Variants in CEMIP observed in about 807,000 individuals in gnomAD.
CEMIP encodes cell migration-inducing and hyaluronan-binding protein.
CEMIP carries 105 observed loss-of-function variants against 156.9 expected under a neutral mutation model. The observed-to-expected ratio is 0.67, with a 90% CI of 0.57 to 0.79. The LOEUF is 0.79. Ranked by LOEUF, CEMIP falls within the 30% of genes least tolerant of loss-of-function variation. The pLI, the probability that CEMIP is intolerant of heterozygous loss-of-function variation, is 0.00. For missense variants in CEMIP, 1,457 were observed against 1,769.4 expected, an observed-to-expected ratio of 0.82 and a Z score of 3.17; for synonymous variants, 676 against 668.4, an observed-to-expected ratio of 1.01 and a Z score of -0.17.
chr15:80,827,886 G>T (rs554634456), intron 1 of CEMIP, among the ~76,000 whole-genome samples: 3 of 152,112 alleles, frequency 2.0e-5, no homozygotes, highest in Non-Finnish European at 2.9e-5. Flanking sequence ...CATTCCTGTA[G>T]CAAATCTAAA....
intron 1 of CEMIP, among the ~76,000 whole-genome samples, chr15:80,871,412 A>T (rs1489073549): frequency 6.6e-6 from 1 of 152,206 alleles, no homozygotes; most frequent in Admixed American, 6.5e-5. Context: ...TTTATCCAGA[A>T]AGTGACTCTT....
intron 1 of CEMIP, among the ~76,000 whole-genome samples, chr15:80,850,715 G>A (rs1897697483): frequency 6.6e-6 from 1 of 152,144 alleles, no homozygotes; most frequent in Non-Finnish European, 1.5e-5. Context: ...TGATCCCCAT[G>A]GACTCAGCTA....
At position 80,922,098 on chromosome 15, in the gene CEMIP, G is replaced by A; in HGVS notation, c.2163G>A (p.Leu721=). ...CAGGTTATTCAGAGCACATTCCACT[G>A]GGAAAATTCTATAACAACCGAGCAC... ...YSPGYSEHIP[L]GKFYNNRAHS... The change falls in exon 17 of 30, where the codon CTG becomes CTA. Residue 721 remains leucine, a synonymous_variant. Coordinates refer to ENST00000394685, the MANE Select transcript of CEMIP (RefSeq NM_001293298.2). 3.7e-6 allele frequency: 6 copies of A among 1,614,232 alleles called. No homozygotes were observed. The highest frequency in any genetic ancestry group is 5.1e-6 in the Non-Finnish European group (6 of 1,180,016).
chr15:80,884,491 T>C, intron 7 of CEMIP, 137 bp downstream of exon 7: 1 of 883,870 alleles, frequency 1.1e-6, no homozygotes, highest in Non-Finnish European at 1.9e-6. Flanking sequence ...GGCATTTGCA[T>C]TTGACATCTG....
intron 13 of CEMIP, among the ~76,000 whole-genome samples, chr15:80,908,341 AG>A (rs1899893010): frequency 6.6e-6 from 1 of 152,152 alleles, no homozygotes; most frequent in Admixed American, 6.5e-5. Flanking sequence ...CTACTACTGG[AG>A]TTGACACTCC....
chr15:80,815,382 A>G (rs1281382644), intron 1 of CEMIP, among the ~76,000 whole-genome samples: 1 of 152,218 alleles, frequency 6.6e-6, no homozygotes, highest in Non-Finnish European at 1.5e-5. Flanking sequence ...TAATTACTAT[A>G]CCTTGAATTC....
intron 14 of CEMIP, among the ~76,000 whole-genome samples, chr15:80,917,674 T>G (rs897704870): frequency 2.6e-5 from 4 of 152,224 alleles, no homozygotes; most frequent in Non-Finnish European, 5.9e-5. Flanking sequence ...ACAGAGAGCT[T>G]GCCTGGAACA....
rs867138699 is a variant in CEMIP, at chr15:80,889,493, C to T, written c.987C>T (p.Phe329=). 9 of 1,613,890 alleles carry T rather than the reference C, an allele frequency of 5.6e-6. No individual in the cohort carries two copies. The highest frequency in any genetic ancestry group is 4.5e-5 in the East Asian group (2 of 44,884). ...WVQDVEWTEW[F]DHDKVSQTKG... is the part of the protein sequence containing the mutation. ...TAGACGTGGAGTGGACGGAGTGGTTCGATCATGATAAAGTATCTCAGACTA... is the reference window on the plus strand; with the variant it reads ...TAGACGTGGAGTGGACGGAGTGGTTTGATCATGATAAAGTATCTCAGACTA... Residue 329 remains phenylalanine (F), a synonymous_variant, in exon 10 of 30, where the codon TTC becomes TTT. Transcript: ENST00000394685.
At chr15:80,837,293 C>T (rs998035752) in intron 1 of CEMIP, among the ~76,000 whole-genome samples, 1 of 152,014 alleles carries the variant, frequency 6.6e-6, no homozygotes, top group Non-Finnish European at 1.5e-5. Context: ...GATGGATATG[C>T]AAATGGAATG....
intron 13 of CEMIP, among the ~76,000 whole-genome samples, chr15:80,908,339 GGA>G (rs1899892762): frequency 6.6e-6 from 1 of 152,094 alleles, no homozygotes; most frequent in Non-Finnish European, 1.5e-5. Context: ...CGCTACTACT[GGA>G]GTTGACACTC....
rs142023823 is a variant in CEMIP, at chr15:80,840,554, T to C, written c.-175-32984T>C. Among the ~76,000 whole-genome samples, 529 of 152,302 alleles carry C rather than the reference T, an allele frequency of 3.5e-3. 2 individuals are homozygous for C. The highest frequency in any genetic ancestry group is 0.012 in the African/African-American group (494 of 41,574). ...TGCCTGGTGGTTCTGAAATGGCCTC[T>C]CCGGCTCAGTGGGCCTGGCTCCTAC... On this transcript the variant is annotated intron_variant, in intron 1 of 29. Transcript: ENST00000394685.
intron 12 of CEMIP, among the ~76,000 whole-genome samples, chr15:80,900,585 G>GGTGGGTGTGT (rs1899442397): frequency 1.3e-5 from 1 of 74,932 alleles, no homozygotes; most frequent in Non-Finnish European, 2.5e-5. Context: ...CCCAGGTAGG[G>GGTGGGTGTGT]GTGTGTGTGT....
chr15:80,913,370 C>T (rs974123077), intron 14 of CEMIP, among the ~76,000 whole-genome samples: 1 of 152,238 alleles, frequency 6.6e-6, no homozygotes, highest in South Asian at 2.1e-4. Flanking sequence ...CAAAATGTCA[C>T]CACCAAGCTC....
intron 28 of CEMIP, among the ~76,000 whole-genome samples, chr15:80,944,992 G>A (rs1901487815): frequency 6.6e-6 from 1 of 152,190 alleles, no homozygotes; most frequent in South Asian, 2.1e-4. Context: ...CTCCTGGAAA[G>A]CAGCAGGGAA....
chr15:80,905,677 C>A (rs1438731623), intron 12 of CEMIP, among the ~76,000 whole-genome samples: 4 of 151,984 alleles, frequency 2.6e-5, no homozygotes, highest in African/African-American at 9.7e-5. Context: ...TGGAAAAGGT[C>A]TTTTGTTTGT....
chr15:80,909,644 G>C (rs749934537), intron 14 of CEMIP: 1 of 471,968 alleles, frequency 2.1e-6, no homozygotes, highest in South Asian at 1.5e-5. Context: ...ACTGCAGACA[G>C]GGGGATCATG....
At chr15:80,888,608 C>T (rs1255425935) in intron 8 of CEMIP, 93 bp from the exon 9 acceptor site, 2 of 913,796 alleles carry the variant, frequency 2.2e-6, no homozygotes, top group Admixed American at 1.7e-5. Flanking sequence ...GAGTCAATGC[C>T]CATGTGCGTA....
In CEMIP at chr15:80,929,085, G is replaced by A; in HGVS notation, c.2523G>A (p.Glu841=). 6.2e-7 allele frequency: 1 copy of A among 1,614,272 alleles called. No homozygotes were observed. The highest frequency in any genetic ancestry group is 8.5e-7 in the Non-Finnish European group (1 of 1,180,048). The change falls in exon 21 of 30, where the codon GAG becomes GAA. Residue 841 remains glutamate, a synonymous_variant. Coordinates refer to ENST00000394685, the MANE Select transcript of CEMIP (RefSeq NM_001293298.2). ...QEIKNSLFVG[E]SGNVGTEMMD... is the part of the protein sequence containing the mutation. Reference sequence around the variant, plus strand: ...TAAAGAACAGCTTGTTTGTTGGCGAGAGTGGCAACGTGGGGACGGAAATGA... The same window carrying A: ...TAAAGAACAGCTTGTTTGTTGGCGAAAGTGGCAACGTGGGGACGGAAATGA...
At chr15:80,851,009 A>G (rs1393443368) in intron 1 of CEMIP, among the ~76,000 whole-genome samples, 1 of 152,208 alleles carries the variant, frequency 6.6e-6, no homozygotes, top group Admixed American at 6.5e-5. Context: ...AATGAGACTG[A>G]CTTCAGACTC....
Sources: gnomAD v4.1 joint callset for allele counts (sites outside exome capture counted in the v4.1 genomes callset) on GRCh38, gnomAD v4.1.1 for gene constraint, MANE v1.5 for transcripts, NCBI Gene and HGNC (gene_info 2026-07-23, HGNC 2026-07-21) for gene names.